Variants in DUSP13B observed in about 807,000 individuals in gnomAD.
DUSP13B encodes the protein dual specificity protein phosphatase 13B.
the DUSP13B span, chr10:75,098,986 G>C: frequency 2.4e-6 from 3 of 1,232,212 alleles, no homozygotes; most frequent in African/African-American, 3.1e-5. Flanking sequence ...GCCTGGTACT[G>C]CTGAGCCACA....
the DUSP13B span, among the ~76,000 whole-genome samples, chr10:75,101,666 A>G: frequency 6.6e-6 from 1 of 152,144 alleles, no homozygotes; most frequent in Non-Finnish European, 1.5e-5. Context: ...CACATAGCCA[A>G]TTGATGTGGG....
chr10:75,095,819 T>TA, the DUSP13B span: 1 of 1,609,302 alleles, frequency 6.2e-7, no homozygotes, highest in East Asian at 2.2e-5. Flanking sequence ...CACAAGGGGT[T>TA]AGGAGAGTGG....
At chr10:75,097,608 T>G in the DUSP13B span, 4 of 1,119,138 alleles carry the variant, frequency 3.6e-6, no homozygotes, top group Non-Finnish European at 4.8e-6. Flanking sequence ...GAGGCAAGCG[T>G]GCCACCTCTG....
At chr10:75,096,595 A>G in the DUSP13B span, among the ~76,000 whole-genome samples, 1 of 150,250 alleles carries the variant, frequency 6.7e-6, no homozygotes, top group South Asian at 2.1e-4. Flanking sequence ...AAAAAAAAAG[A>G]AAAATTAGCT....
At chr10:75,105,733 T>C in the DUSP13B span, 37 of 1,554,500 alleles carry the variant, frequency 2.4e-5, no homozygotes, top group Admixed American at 3.9e-5. Context: ...GAAGCCTCGG[T>C]TGGGGAAGAC....
At chr10:75,097,863 C>T in the DUSP13B span, 1 of 1,609,478 alleles carries the variant, frequency 6.2e-7, no homozygotes, top group Non-Finnish European at 8.5e-7. Flanking sequence ...CTCCGGAGGT[C>T]CTGCTTCTGC....
At chr10:75,104,221 G>T in the DUSP13B span, 1 of 545,302 alleles carries the variant, frequency 1.8e-6, no homozygotes, top group Non-Finnish European at 2.9e-6. Context: ...CTGTGCATAA[G>T]GTCAAGTGAG....
At chr10:75,105,765 G>A in the DUSP13B span, 3 of 1,552,676 alleles carry the variant, frequency 1.9e-6, no homozygotes, top group South Asian at 2.4e-5. Flanking sequence ...GCCTCACGGT[G>A]ATCACCGCCT....
the DUSP13B span, chr10:75,108,339 A>C: frequency 1.5e-5 from 21 of 1,437,572 alleles, no homozygotes; most frequent in Non-Finnish European, 1.6e-5. Flanking sequence ...AGCAAGCTCC[A>C]AGTGGGGTCT....
At chr10:75,098,971 A>T in the DUSP13B span, 1 of 1,231,906 alleles carries the variant, frequency 8.1e-7, no homozygotes, top group Non-Finnish European at 1.0e-6. Context: ...TGCTTCCTCA[A>T]GGGAGCCTGG....
the DUSP13B span, chr10:75,094,852 C>T: frequency 1.2e-6 from 2 of 1,614,136 alleles, no homozygotes; most frequent in Middle Eastern, 3.3e-4. Context: ...CGGCTTACCC[C>T]CATGGCACAG....
chr10:75,103,585 C>T, the DUSP13B span, among the ~76,000 whole-genome samples: 2 of 152,232 alleles, frequency 1.3e-5, no homozygotes, highest in Non-Finnish European at 2.9e-5. Context: ...ATCCACAGAC[C>T]TTTGTCATAC....
the DUSP13B span, chr10:75,099,543 G>C: frequency 8.1e-7 from 1 of 1,231,518 alleles, no homozygotes; most frequent in East Asian, 3.2e-5. Flanking sequence ...GAAGCGGCTA[G>C]AATTCCAGGT....
chr10:75,106,658 T>C, the DUSP13B span, among the ~76,000 whole-genome samples: 1 of 152,234 alleles, frequency 6.6e-6, no homozygotes, highest in Admixed American at 6.5e-5. Flanking sequence ...TATGAGTAGC[T>C]CTCACTATAC....
the DUSP13B span, chr10:75,103,864 G>A: frequency 3.1e-6 from 4 of 1,288,656 alleles, no homozygotes; most frequent in African/African-American, 3.0e-5. Flanking sequence ...GAAGCCTGAG[G>A]GCTTGGCTGA....
the DUSP13B span, chr10:75,108,876 A>T: frequency 8.2e-7 from 1 of 1,219,380 alleles, no homozygotes; most frequent in South Asian, 1.7e-5. Context: ...GGGGTCCTGG[A>T]GAAGGTCCCT....
chr10:75,109,116 T>C, the DUSP13B span: 1 of 1,610,954 alleles, frequency 6.2e-7, no homozygotes, highest in South Asian at 1.1e-5. Context: ...AAGGCGTGGC[T>C]TTGTCCTCTC....
At chr10:75,097,742 T>C in the DUSP13B span, 1 of 1,611,266 alleles carries the variant, frequency 6.2e-7, no homozygotes, top group African/African-American at 1.3e-5. Flanking sequence ...GGGCCAGACC[T>C]CATCGATATG....
chr10:75,097,149 T>C, the DUSP13B span, among the ~76,000 whole-genome samples: 3 of 152,226 alleles, frequency 2.0e-5, no homozygotes, highest in African/African-American at 4.8e-5. Context: ...AGTAATATCC[T>C]TTTTCTTCAC....
Sources: allele counts gnomAD v4.1 joint callset (sites outside exome capture counted in the v4.1 genomes callset), GRCh38; gene constraint gnomAD v4.1.1; transcripts MANE v1.5; gene names NCBI Gene and HGNC (gene_info 2026-07-23, HGNC 2026-07-21).